GRAMD2A: variants seen among roughly 807,000 people sequenced by gnomAD.
The protein encoded by GRAMD2A is GRAM domain containing 2A.
GRAMD2A carries 37 observed loss-of-function variants against 51.1 expected under a neutral mutation model. The ratio of observed to expected loss-of-function variants is 0.72; its 90% confidence interval spans 0.56 to 0.95. The LOEUF (loss-of-function observed/expected upper bound fraction) is 0.95. Among genes scored for constraint, GRAMD2A ranks in the 40% least tolerant of loss-of-function variants. The pLI is 0.00. For synonymous variants in GRAMD2A, 136 were observed against 157.1 expected (o/e 0.87, Z 1.01); for missense variants, 414 against 426.9 (o/e 0.97, Z 0.27).
At chr15:72,188,452 G>A (rs150789580) in intron 1 of GRAMD2A, among the ~76,000 whole-genome samples, 5 of 152,084 alleles carry the variant, frequency 3.3e-5, no homozygotes, top group Non-Finnish European at 5.9e-5. Context: ...AGACTGGAAG[G>A]CTATGTAACC....
intron 1 of GRAMD2A, among the ~76,000 whole-genome samples, chr15:72,181,934 A>G (rs2081699699): frequency 6.6e-6 from 1 of 152,226 alleles, no homozygotes; most frequent in South Asian, 2.1e-4. Flanking sequence ...GTGGGTACAC[A>G]AGGAACAGAA....
chr15:72,163,492 G>A lies in GRAMD2A; in HGVS notation c.746-16C>T, dbSNP rs1567080285. On this transcript the variant is annotated splice_polypyrimidine_tract_variant and intron_variant, in intron 9 of 11. Transcript: ENST00000309731. ...CTTGACTTTTCTTTATGGATTGGGAGAAAAAAAAAATCAGCTCTCAGAAGC... is the reference window on the plus strand; with the variant it reads ...CTTGACTTTTCTTTATGGATTGGGAAAAAAAAAAAATCAGCTCTCAGAAGC... 1.8e-5 allele frequency: 28 copies of A among 1,541,004 alleles called. No homozygotes were observed. In the Admixed American group the frequency reaches 2.4e-4, roughly 13 times the overall value.
rs767757647 is a variant in GRAMD2A at position 72,166,616 on chromosome 15, C to T, written c.543+16G>A. ...CTGAGCGACTTCCCTGGCCTTCCTGCTCCCAAGCTCCATACCTGTAGGTGG... is the reference window on the plus strand; with the variant it reads ...CTGAGCGACTTCCCTGGCCTTCCTGTTCCCAAGCTCCATACCTGTAGGTGG... On this transcript the variant is annotated intron_variant, in intron 7 of 11. Transcript: ENST00000309731. The surrounding 1 kb of genome is among the most constrained non-coding windows in gnomAD (Gnocchi z 4.1). 2 of 1,608,444 alleles carry T rather than the reference C, an allele frequency of 1.2e-6. No individual in the cohort carries two copies. The highest frequency in any genetic ancestry group is 1.1e-5 in the South Asian group (1 of 90,976).
At chr15:72,188,977 C>T (rs2081751220) in intron 1 of GRAMD2A, among the ~76,000 whole-genome samples, 1 of 152,148 alleles carries the variant, frequency 6.6e-6, no homozygotes, top group African/African-American at 2.4e-5. Flanking sequence ...GCCACCATGC[C>T]CAGCCTTTAA....
rs571394619 is a variant in GRAMD2A, at chr15:72,185,403, A to G, written c.41+12328T>C. Among the ~76,000 whole-genome samples, 3 of 152,302 alleles carry G rather than the reference A, an allele frequency of 2.0e-5. No individual in the cohort carries two copies. The South Asian group carries it at 6.2e-4, about 32-fold the overall frequency. On this transcript the variant is annotated intron_variant, in intron 1 of 11. Coordinates refer to ENST00000309731, the MANE Select transcript of GRAMD2A (RefSeq NM_001012642.3). The stretch of plus-strand genomic sequence containing the variant: ...GAGACAGGATTTCACCATGTTGGCC[A>G]GGCAGGTCTTCAACTCCCAACCTCA...
intron 1 of GRAMD2A, 86 bp downstream of exon 1, chr15:72,197,645 A>T: frequency 2.8e-6 from 3 of 1,088,608 alleles, no homozygotes; most frequent in African/African-American, 3.3e-5. Context: ...CCGCGGCCCC[A>T]GGAGCCGTCC....
rs150570846 is a variant in GRAMD2A at position 72,164,866 on chromosome 15, C to T, written c.600+488G>A. 7.2e-4 allele frequency among the ~76,000 whole-genome samples: 110 copies of T among 151,918 alleles called. 3 individuals are homozygous for T. In the East Asian group the frequency reaches 0.014, roughly 20 times the overall value. The stretch of plus-strand genomic sequence containing the variant: ...AGAAAGTCAGCCTATCGGCTGGGCA[C>T]GGTGGCTCACGCCTATAATCCCAGC... On this transcript the variant is annotated intron_variant, in intron 8 of 11. Transcript: ENST00000309731.
At chr15:72,191,738 T>C (rs1035425725) in intron 1 of GRAMD2A, among the ~76,000 whole-genome samples, 3 of 152,024 alleles carry the variant, frequency 2.0e-5, no homozygotes, top group South Asian at 2.1e-4. Flanking sequence ...AGGAAATACA[T>C]AAATCAAAGG....
chr15:72,175,348 G>A (rs2081645304), intron 1 of GRAMD2A, among the ~76,000 whole-genome samples: 1 of 152,128 alleles, frequency 6.6e-6, no homozygotes. Context: ...GGGCCAGCTG[G>A]GGCCCGGGTC....
chr15:72,173,545 C>A (rs796411911), intron 1 of GRAMD2A: 1 of 152,178 alleles, frequency 6.6e-6, no homozygotes, highest in Non-Finnish European at 1.5e-5. Flanking sequence ...ATGCAGCAGG[C>A]GCTCACGACA....
chr15:72,168,596 C>G (rs777262441), intron 3 of GRAMD2A, 30 bp from the exon 4 acceptor site: 1 of 1,595,382 alleles, frequency 6.3e-7, no homozygotes, highest in East Asian at 2.2e-5. Context: ...GTCTGAGAAG[C>G]GCTGGGAGAT....
intron 1 of GRAMD2A, among the ~76,000 whole-genome samples, chr15:72,185,619 G>T (rs1021857384): frequency 2.6e-5 from 4 of 152,236 alleles, no homozygotes; most frequent in Admixed American, 6.5e-5. Flanking sequence ...ATGATGTAAA[G>T]GCTTTGCCTT....
At position 72,168,948 on chromosome 15, in the gene GRAMD2A, G is replaced by A. The variant is rs199670696; in HGVS notation, c.183C>T (p.Gly61=). The A allele has an allele frequency of 5.0e-6, 8 of 1,614,082 alleles. No individual in the cohort carries two copies. The East Asian group carries it at 1.6e-4, about 31-fold the overall frequency. ...CAGCCTCCAGACTTACCCCTTCTCG[G>A]CCACACTTCTTTATCTCTTCACCCT... ...GLKGEEIKKC[G]REGITLNKYN... The change falls in exon 3 of 12, where the codon GGC becomes GGT. Residue 61 remains glycine, a synonymous_variant. Coordinates refer to ENST00000309731, the MANE Select transcript of GRAMD2A (RefSeq NM_001012642.3).
chr15:72,172,751 C>T (rs576403558), intron 1 of GRAMD2A, among the ~76,000 whole-genome samples: 4 of 152,084 alleles, frequency 2.6e-5, no homozygotes, highest in Admixed American at 6.6e-5. Flanking sequence ...TTATTGAGAA[C>T]GTTAATCCTT....
At chr15:72,165,247 G>T in intron 8 of GRAMD2A, 107 bp downstream of exon 8, 3 of 979,792 alleles carry the variant, frequency 3.1e-6, no homozygotes, top group Non-Finnish European at 4.8e-6. Context: ...TGACTCTTGA[G>T]CCTGGTGCCC....
At chr15:72,177,149 A>G (rs777406057) in intron 1 of GRAMD2A, among the ~76,000 whole-genome samples, 3 of 151,268 alleles carry the variant, frequency 2.0e-5, no homozygotes, top group Non-Finnish European at 2.9e-5. Flanking sequence ...GGCATGAGCC[A>G]CTGTGCTCAG....
Position 72,170,123 on chromosome 15 carries a change from C to T in GRAMD2A, c.42-184G>A, listed in dbSNP as rs1191059360. ...CAGGCAGAGGTTCTGGGATGGCTGACGGAGTAGGCGGGTCTCACACAGCGT... is the reference window on the plus strand; with the variant it reads ...CAGGCAGAGGTTCTGGGATGGCTGATGGAGTAGGCGGGTCTCACACAGCGT... On this transcript the variant is annotated intron_variant, in intron 1 of 11. Transcript: ENST00000309731. This position sits in a 1 kb window ranked among gnomAD's most constrained non-coding sequence, Gnocchi z 4.5. The T allele has an allele frequency of 1.3e-5, 9 of 691,580 alleles. No homozygotes were observed. Among genetic ancestry groups the T allele is most frequent in the Admixed American group, 2.0e-5 (1 of 49,654 alleles). 42.8% of individuals were successfully genotyped at this position (691,580 alleles called of 1,614,324 possible). A position where few individuals can be genotyped will look rare whatever the true frequency, so the allele number is the denominator to read the frequency against.
At chr15:72,169,706 C>T (rs756558191) in intron 2 of GRAMD2A, 141 bp downstream of exon 2, 35 of 718,300 alleles carry the variant, frequency 4.9e-5, no homozygotes, top group Non-Finnish European at 7.9e-5. Context: ...AGGAAGAAGC[C>T]TGGGGCAGCC....
intron 10 of GRAMD2A, chr15:72,162,678 C>A: frequency 3.4e-6 from 1 of 291,232 alleles, no homozygotes; most frequent in Non-Finnish European, 6.5e-6. Context: ...TCTCACCAGC[C>A]ATGGTGGTCC....
Sources: gnomAD v4.1 joint callset for allele counts (sites outside exome capture counted in the v4.1 genomes callset) on GRCh38, gnomAD v4.1.1 for gene constraint, Gnocchi (gnomAD v3.1) non-coding constraint, MANE v1.5 for transcripts, NCBI Gene and HGNC (gene_info 2026-07-23, HGNC 2026-07-21) for gene names.